Variants in CDH12 observed in about 807,000 individuals in gnomAD.
CDH12 encodes cadherin 12.
CDH12 carries 41 observed loss-of-function variants against 74.1 expected under a neutral mutation model. The ratio of observed to expected loss-of-function variants is 0.55; its 90% CI spans 0.43 to 0.72. The LOEUF (loss-of-function observed/expected upper bound fraction) is 0.72, where lower values mean the gene tolerates loss of function less well. Among genes scored for constraint, CDH12 ranks in the 30% least tolerant of loss-of-function variants. The pLI is 0.00. For synonymous variants in CDH12, 399 were observed against 355.0 expected (o/e 1.12, Z -1.39); for missense variants, 945 against 977.2 (o/e 0.97, Z 0.44).
intron 1 of CDH12, among the ~76,000 whole-genome samples, chr5:22,743,015 G>T (rs563228640): frequency 1.3e-5 from 2 of 151,286 alleles, no homozygotes; most frequent in East Asian, 1.9e-4. Context: ...GAACCAAAAG[G>T]CTAACCCTCC....
chr5:22,490,981 C>A (rs1051798359), intron 2 of CDH12, among the ~76,000 whole-genome samples: 2 of 152,074 alleles, frequency 1.3e-5, no homozygotes, highest in East Asian at 3.9e-4. Flanking sequence ...TTCCTCATTT[C>A]TATTTGCTTA....
At chr5:22,069,173 C>T (rs1031763727) in intron 5 of CDH12, among the ~76,000 whole-genome samples, 2 of 152,146 alleles carry the variant, frequency 1.3e-5, no homozygotes, top group Admixed American at 6.5e-5. Context: ...TGCTTCTGAT[C>T]ATGACACTCA....
intron 10 of CDH12, among the ~76,000 whole-genome samples, chr5:21,783,958 A>T (rs1017948064): frequency 5.3e-5 from 8 of 152,120 alleles, no homozygotes; most frequent in African/African-American, 1.9e-4. Flanking sequence ...CAAACGGTAA[A>T]TTTTTTTAAC....
At chr5:22,429,102 CTATTTTATTT>C (rs546752099) in intron 2 of CDH12, among the ~76,000 whole-genome samples, 367 of 144,872 alleles carry the variant, frequency 2.5e-3, no homozygotes, top group South Asian at 3.7e-3. Context: ...CACTTTTATT[CTATTTTATTT>C]TATTTTATTT....
chr5:22,345,793 T>C lies in CDH12; in HGVS notation c.-333+59464A>G, dbSNP rs200402256. On this transcript the variant is annotated intron_variant, in intron 3 of 14. Coordinates refer to ENST00000382254, the MANE Select transcript of CDH12 (RefSeq NM_004061.5). The stretch of plus-strand genomic sequence containing the variant: ...CACAGCAGTTTCCAAGTTTGTCTAG[T>C]CTACTAATTATGTCAAAAAGGAGAA... Among the ~76,000 whole-genome samples the C allele has an allele frequency of 5.9e-5, 9 of 152,276 alleles. No homozygotes were observed. In the East Asian group the frequency reaches 1.7e-3, roughly 29 times the overall value.
intron 1 of CDH12, among the ~76,000 whole-genome samples, chr5:22,831,296 A>C (rs1736589143): frequency 6.6e-6 from 1 of 151,866 alleles, no homozygotes. Flanking sequence ...AAGAGAATTG[A>C]GATGATTCTG....
chr5:22,178,021 T>C (rs1210224734), intron 4 of CDH12, among the ~76,000 whole-genome samples: 1 of 152,190 alleles, frequency 6.6e-6, no homozygotes, highest in Non-Finnish European at 1.5e-5. Flanking sequence ...AGTAACATGA[T>C]TGCTGTTGAC....
At chr5:22,742,911 T>G (rs951777143) in intron 1 of CDH12, among the ~76,000 whole-genome samples, 2 of 151,924 alleles carry the variant, frequency 1.3e-5, no homozygotes, top group African/African-American at 4.8e-5. Flanking sequence ...GAAAGTGTTT[T>G]GGATGAGATT....
chr5:22,830,738 T>TA (rs558837641), intron 1 of CDH12, among the ~76,000 whole-genome samples: 2 of 151,862 alleles, frequency 1.3e-5, no homozygotes, highest in South Asian at 4.2e-4. Flanking sequence ...AATTTGATTT[T>TA]AAAATCTAAG....
intron 1 of CDH12, among the ~76,000 whole-genome samples, chr5:22,619,471 G>A (rs1267969909): frequency 6.6e-6 from 1 of 151,966 alleles, no homozygotes; most frequent in East Asian, 1.9e-4. Flanking sequence ...TCTGAATTCT[G>A]AATACATATT....
chr5:22,165,100 T>C (rs1293156228), intron 4 of CDH12, among the ~76,000 whole-genome samples: 3 of 151,766 alleles, frequency 2.0e-5, no homozygotes, highest in Non-Finnish European at 2.9e-5. Flanking sequence ...CATTCTATTC[T>C]GAACACAGCA....
intron 5 of CDH12, among the ~76,000 whole-genome samples, chr5:22,066,493 TC>T (rs747169974): frequency 6.6e-6 from 1 of 152,034 alleles, no homozygotes; most frequent in Non-Finnish European, 1.5e-5. Flanking sequence ...CTTGTGGAGG[TC>T]AGCGGACCAA....
At chr5:22,028,061 T>G (rs543739512) in intron 5 of CDH12, among the ~76,000 whole-genome samples, 4 of 152,304 alleles carry the variant, frequency 2.6e-5, no homozygotes, top group Admixed American at 1.3e-4. Flanking sequence ...TCTGCCTTCA[T>G]TTCGTTATGT....
At chr5:22,720,667 G>A (rs1052283102) in intron 1 of CDH12, among the ~76,000 whole-genome samples, 22 of 152,248 alleles carry the variant, frequency 1.4e-4, no homozygotes, top group Non-Finnish European at 2.8e-4. Flanking sequence ...AGGAAGATGT[G>A]GGAAAGTTTG....
At chr5:22,269,009 T>C (rs1736260497) in intron 3 of CDH12, among the ~76,000 whole-genome samples, 1 of 152,060 alleles carries the variant, frequency 6.6e-6, no homozygotes, top group Non-Finnish European at 1.5e-5. Flanking sequence ...GCCCTCCCAT[T>C]AGATGCTTTA....
intron 2 of CDH12, among the ~76,000 whole-genome samples, chr5:22,477,791 G>A (rs1029822111): frequency 2.6e-5 from 4 of 152,138 alleles, no homozygotes; most frequent in African/African-American, 4.8e-5. Context: ...GGACGCTTAG[G>A]ATTCCAACTC....
intron 5 of CDH12, among the ~76,000 whole-genome samples, chr5:22,028,106 T>G (rs1281350520): frequency 6.6e-6 from 1 of 152,124 alleles, no homozygotes. Context: ...TTGTTCAGTT[T>G]CCATGTAGTT....
intron 3 of CDH12, among the ~76,000 whole-genome samples, chr5:22,364,387 GAGATCTGAT>G (rs1740945709): frequency 6.6e-6 from 1 of 152,074 alleles, no homozygotes. Flanking sequence ...ATAATATAAG[GAGATCTGAT>G]ATAGAATTTA....
intron 1 of CDH12, among the ~76,000 whole-genome samples, chr5:22,568,729 A>T (rs757399231): frequency 6.6e-6 from 1 of 152,232 alleles, no homozygotes; most frequent in Non-Finnish European, 1.5e-5. Flanking sequence ...AGAATAAAGC[A>T]AATATCATAA....
Sources: gnomAD v4.1 joint callset for allele counts (sites outside exome capture counted in the v4.1 genomes callset) on GRCh38, gnomAD v4.1.1 for gene constraint, MANE v1.5 for transcripts, NCBI Gene and HGNC (gene_info 2026-07-23, HGNC 2026-07-21) for gene names.